Variants in FSIP1 observed in about 807,000 individuals in gnomAD.
FSIP1 encodes fibrous sheath interacting protein 1.
FSIP1 carries 65 observed loss-of-function variants against 60.9 expected under a neutral mutation model. That is an observed-to-expected ratio of 1.07 (90% CI 0.87 to 1.31). The LOEUF (loss-of-function observed/expected upper bound fraction) is 1.31, where lower values mean the gene tolerates loss of function less well. Ranked by LOEUF, FSIP1 falls within the 40% of genes most tolerant of loss-of-function variation. The pLI, the probability that FSIP1 is intolerant of heterozygous loss-of-function variation, is 0.00. For missense variants in FSIP1, 675 were observed against 665.5 expected, an observed-to-expected ratio of 1.01 and a Z score of -0.16; for synonymous variants, 209 against 221.2, an observed-to-expected ratio of 0.94 and a Z score of 0.49.
chr15:39,633,039 C>T (rs1444008028), intron 10 of FSIP1, among the ~76,000 whole-genome samples: 2 of 150,724 alleles, frequency 1.3e-5, no homozygotes, highest in Non-Finnish European at 2.9e-5. Context: ...AAATTTCACT[C>T]CTATAATTAT....
At chr15:39,664,687 C>G (rs892383014) in intron 10 of FSIP1, among the ~76,000 whole-genome samples, 11 of 152,116 alleles carry the variant, frequency 7.2e-5, no homozygotes, top group Non-Finnish European at 2.9e-5. Context: ...CCCCAATCCC[C>G]ACCATCAAGT....
At chr15:39,723,995 C>G (rs1896088858) in intron 9 of FSIP1, among the ~76,000 whole-genome samples, 1 of 152,200 alleles carries the variant, frequency 6.6e-6, no homozygotes, top group Non-Finnish European at 1.5e-5. Flanking sequence ...TTTTTGCATG[C>G]AAGAAGCATA....
At chr15:39,659,439 G>T (rs995023703) in intron 10 of FSIP1, among the ~76,000 whole-genome samples, 1 of 151,842 alleles carries the variant, frequency 6.6e-6, no homozygotes, top group Non-Finnish European at 1.5e-5. Flanking sequence ...CTACTCAGGA[G>T]GCTGAGGCAG....
At position 39,629,795 on chromosome 15, in the gene FSIP1, T is replaced by C. The variant is rs73393220; in HGVS notation, c.1189-11550A>G. On this transcript the variant is annotated intron_variant, in intron 10 of 11. Transcript: ENST00000350221. ...TTCTAAGAATAGAATCCAAGCCCCA[T>C]AGCTGGATGATAGAAAGATATTTGA... Among the ~76,000 whole-genome samples, 936 of 152,270 alleles carry C rather than the reference T, an allele frequency of 6.1e-3. 11 individuals carry two copies. The highest frequency in any genetic ancestry group is 0.021 in the African/African-American group (883 of 41,556).
intron 1 of FSIP1, among the ~76,000 whole-genome samples, chr15:39,782,088 C>T (rs867239812): frequency 4.6e-5 from 7 of 152,286 alleles, no homozygotes; most frequent in Middle Eastern, 3.4e-3. Flanking sequence ...TTTGGTAGTT[C>T]GCCAAATTGT....
chr15:39,746,877 A>G (rs1039485821), intron 5 of FSIP1, among the ~76,000 whole-genome samples: 1 of 152,196 alleles, frequency 6.6e-6, no homozygotes, highest in African/African-American at 2.4e-5. Context: ...AAGAAAACCA[A>G]CGTGAGAGTG....
chr15:39,628,037 G>A (rs1257686744), intron 10 of FSIP1, among the ~76,000 whole-genome samples: 2 of 152,206 alleles, frequency 1.3e-5, no homozygotes, highest in Non-Finnish European at 2.9e-5. Context: ...GCTGGGTGCA[G>A]GTACTGCAGG....
rs1434841819 is a variant in FSIP1 at position 39,652,593 on chromosome 15, G to A, written c.1189-34348C>T. 2.6e-5 allele frequency among the ~76,000 whole-genome samples: 4 copies of A among 152,018 alleles called. No homozygotes were observed. In the East Asian group the frequency reaches 7.7e-4, roughly 29 times the overall value. On this transcript the variant is annotated intron_variant, in intron 10 of 11. Transcript: ENST00000350221. ...TCTTGGATCCTACTTATCTAAGCAG[G>A]CTTCCTTTCTACTGGATATAATTTC... is the stretch of plus-strand genomic sequence containing the variant.
At chr15:39,692,193 CACCAGCTGCACT>C (rs1232340331) in intron 10 of FSIP1, among the ~76,000 whole-genome samples, 1 of 152,182 alleles carries the variant, frequency 6.6e-6, no homozygotes, top group African/African-American at 2.4e-5. Flanking sequence ...TTGTACGCCA[CACCAGCTGCACT>C]ACCAACTATG....
intron 10 of FSIP1, among the ~76,000 whole-genome samples, chr15:39,646,520 CAAAAAAAAAAAA>C (rs71132108): frequency 5.9e-4 from 16 of 27,114 alleles, no homozygotes; most frequent in East Asian, 1.8e-3. Context: ...CTCATCTCTA[CAAAAAAAAAAAA>C]AAAAAAAAAA....
chr15:39,734,888 T>C (rs1896549084), intron 8 of FSIP1, among the ~76,000 whole-genome samples: 1 of 152,116 alleles, frequency 6.6e-6, no homozygotes, highest in Non-Finnish European at 1.5e-5. Context: ...TACATAGTAC[T>C]TGTAAAAGAT....
Position 39,642,807 on chromosome 15 carries a change from T to C in FSIP1, c.1189-24562A>G, listed in dbSNP as rs79244306. Among the ~76,000 whole-genome samples, 41 of 152,350 alleles carry C rather than the reference T, an allele frequency of 2.7e-4. No individual in the cohort carries two copies. The East Asian group carries it at 7.7e-3, about 29-fold the overall frequency. ...AGCTCCACTGGGGACTCTAACATTA[T>C]ATATAAGTTGATTCCTATGGCAAAG... On this transcript the variant is annotated intron_variant, in intron 10 of 11. Transcript: ENST00000350221.
At chr15:39,698,099 A>T (rs1894895222) in intron 10 of FSIP1, among the ~76,000 whole-genome samples, 1 of 151,340 alleles carries the variant, frequency 6.6e-6, no homozygotes, top group Non-Finnish European at 1.5e-5. Flanking sequence ...GGCAATGGAG[A>T]CCTTGAAAGG....
chr15:39,621,110 G>A lies in FSIP1; in HGVS notation c.1189-2865C>T, dbSNP rs547051073. Reference sequence around the variant, plus strand: ...CAAATTCAAAATTAGGTACAAAAGCGAGTTTCTTTTATTTTAGAATGTGAA... The same window carrying A: ...CAAATTCAAAATTAGGTACAAAAGCAAGTTTCTTTTATTTTAGAATGTGAA... On this transcript the variant is annotated intron_variant, in intron 10 of 11. Coordinates refer to ENST00000350221, the MANE Select transcript of FSIP1 (RefSeq NM_152597.5). Among the ~76,000 whole-genome samples the A allele has an allele frequency of 2.3e-4, 34 of 150,258 alleles. 1 individual carries two copies. The highest frequency in any genetic ancestry group is 3.4e-3 in the Middle Eastern group (1 of 292).
At chr15:39,600,961 A>T in intron 11 of FSIP1, 35 bp from the exon 12 acceptor site, 2 of 1,536,996 alleles carry the variant, frequency 1.3e-6, no homozygotes, top group Non-Finnish European at 1.8e-6. Context: ...GTTATTAGAG[A>T]TTCAGAAATG....
Position 39,770,537 on chromosome 15 carries a change from G to T in FSIP1, c.200C>A (p.Thr67Asn), listed in dbSNP as rs1248071465. ...GCTTTCCTGCTTATCATCATTACTA[G>T]TTCTTCTGTTCTCTGTATTACTGCT... is the stretch of plus-strand genomic sequence containing the variant. ...SESSNTENRR[T>N]SNDDKQESCS... Residue 67 changes from threonine to asparagine, a missense_variant, in exon 3 of 12, where the codon ACT becomes AAT. Thr to Asn is a moderately conservative substitution (Grantham distance 65, BLOSUM62 0). Transcript: ENST00000350221. The T allele has an allele frequency of 6.2e-7, 1 of 1,609,986 alleles. No individual in the cohort carries two copies. Among genetic ancestry groups the T allele is most frequent in the African/African-American group, 1.3e-5 (1 of 74,660 alleles).
In FSIP1 at chr15:39,738,135, A is replaced by G; in HGVS notation, c.847T>C (p.Leu283=). Residue 283 remains leucine, a synonymous_variant, in exon 8 of 12, where the codon TTG becomes CTG. Coordinates refer to ENST00000350221, the MANE Select transcript of FSIP1 (RefSeq NM_152597.5). ...GAATCTTTCTCATCCAAGTCCTTCA[A>G]AAGCTCAACCAGCCTTTTCTTCTCT... ...DREKKRLVEL[L]KDLDEKDSGL... The G allele has an allele frequency of 6.2e-7, 1 of 1,613,426 alleles. No individual in the cohort carries two copies. Among genetic ancestry groups the G allele is most frequent in the Non-Finnish European group, 8.5e-7 (1 of 1,179,728 alleles).
chr15:39,772,242 T>G (rs1055296803), intron 2 of FSIP1, among the ~76,000 whole-genome samples: 27 of 152,192 alleles, frequency 1.8e-4, no homozygotes, highest in African/African-American at 5.5e-4. Context: ...GTGGCCTATA[T>G]GCATGATTTT....
rs3065148 is a variant in FSIP1 at position 39,749,263 on chromosome 15, C to CAAAAAAAAAAAAAAAAAAAAAAA, written c.560-7364_560-7363insTTTTTTTTTTTTTTTTTTTTTTT. Among the ~76,000 whole-genome samples, 279 of 98,202 alleles carry CAAAAAAAAAAAAAAAAAAAAAAA rather than the reference C, an allele frequency of 2.8e-3. 31 individuals are homozygous for CAAAAAAAAAAAAAAAAAAAAAAA. Among genetic ancestry groups the CAAAAAAAAAAAAAAAAAAAAAAA allele is most frequent in the African/African-American group, 0.012 (250 of 21,396 alleles). 64.4% of individuals were successfully genotyped at this position (98,202 alleles called of 152,430 possible). ...AATACCAATACTTCTTAAACTCTTC[C>CAAAAAAAAAAAAAAAAAAAAAAA]AAAAAAAAAAAAACCAGGCTAGAGG... is the stretch of plus-strand genomic sequence containing the variant. On this transcript the variant is annotated intron_variant, in intron 5 of 11. Transcript: ENST00000350221.
Sources: allele counts gnomAD v4.1 joint callset (sites outside exome capture counted in the v4.1 genomes callset), GRCh38; gene constraint gnomAD v4.1.1; transcripts MANE v1.5; gene names NCBI Gene and HGNC (gene_info 2026-07-23, HGNC 2026-07-21).